Variants in HSPA14 observed in about 807,000 individuals in gnomAD.
HSPA14 encodes heat shock 70 kDa protein 14.
A neutral mutation model predicts 65.5 loss-of-function variants in HSPA14; 37 were observed. The ratio of observed to expected loss-of-function variants is 0.56; its 90% CI spans 0.43 to 0.74. The LOEUF (loss-of-function observed/expected upper bound fraction) is 0.74. Ranked by LOEUF, HSPA14 falls within the 30% of genes least tolerant of loss-of-function variation. The pLI, the probability that HSPA14 is intolerant of heterozygous loss-of-function variation, is 0.00. For missense variants in HSPA14, 564 were observed against 607.6 expected (o/e 0.93, Z 0.75); for synonymous variants, 203 against 214.2 (o/e 0.95, Z 0.46).
At chr10:14,849,523 CA>C in intron 5 of HSPA14, 197 bp from the exon 6 acceptor site, 1 of 668,354 alleles carries the variant, frequency 1.5e-6, no homozygotes, top group Non-Finnish European at 2.8e-6. Context: ...ATTCTGTGTC[CA>C]AATATATCAC....
intron 1 of HSPA14, 59 bp downstream of exon 1, chr10:14,838,518 G>A: frequency 6.7e-7 from 1 of 1,498,346 alleles, no homozygotes; most frequent in Non-Finnish European, 9.0e-7. Context: ...TTCTGGCGCT[G>A]GGTCATCCAC....
At chr10:14,860,221 T>A (rs1832739909) in intron 10 of HSPA14, among the ~76,000 whole-genome samples, 5 of 152,322 alleles carry the variant, frequency 3.3e-5, no homozygotes, top group Admixed American at 3.3e-4. Flanking sequence ...AATGGAGTCT[T>A]CTGAATTTCC....
chr10:14,844,487 C>CAT (rs1564320228), intron 3 of HSPA14: 1 of 986,526 alleles, frequency 1.0e-6, no homozygotes, highest in African/African-American at 1.8e-5. Context: ...GCTCATTAGA[C>CAT]GACTATAAGC....
intron 13 of HSPA14, among the ~76,000 whole-genome samples, chr10:14,871,016 T>C (rs1393782652): frequency 1.3e-5 from 2 of 152,212 alleles, no homozygotes; most frequent in Non-Finnish European, 2.9e-5. Flanking sequence ...AGTTTCTTTA[T>C]TGCTGCAGAA....
At chr10:14,866,585 G>A (rs559653867) in intron 10 of HSPA14, among the ~76,000 whole-genome samples, 4 of 152,140 alleles carry the variant, frequency 2.6e-5, no homozygotes, top group African/African-American at 7.2e-5. Flanking sequence ...TTAAAATGCA[G>A]TTTTATAAAT....
intron 9 of HSPA14, among the ~76,000 whole-genome samples, chr10:14,854,559 C>G (rs947323967): frequency 2.0e-5 from 3 of 152,094 alleles, no homozygotes; most frequent in Non-Finnish European, 2.9e-5. Flanking sequence ...TGATAAAGTA[C>G]AAAGGGAGGA....
intron 10 of HSPA14, among the ~76,000 whole-genome samples, chr10:14,858,557 T>A (rs1411185162): frequency 6.6e-6 from 1 of 152,172 alleles, no homozygotes; most frequent in African/African-American, 2.4e-5. Flanking sequence ...CCACTTCCTG[T>A]TCTAGGACCC....
At chr10:14,866,271 C>T (rs181369960) in intron 10 of HSPA14, among the ~76,000 whole-genome samples, 16 of 152,286 alleles carry the variant, frequency 1.1e-4, no homozygotes, top group Non-Finnish European at 5.9e-5. Flanking sequence ...TGATGTTCCT[C>T]ATGCTCGTAC....
At chr10:14,870,927 T>A (rs1832848677) in intron 13 of HSPA14, among the ~76,000 whole-genome samples, 1 of 152,206 alleles carries the variant, frequency 6.6e-6, no homozygotes, top group African/African-American at 2.4e-5. Flanking sequence ...TCTGTGCTCA[T>A]TTGAGATGTA....
intron 10 of HSPA14, among the ~76,000 whole-genome samples, chr10:14,862,023 G>T (rs1030200042): frequency 1.5e-5 from 2 of 135,046 alleles, no homozygotes; most frequent in African/African-American, 6.1e-5. Flanking sequence ...AAAAAAAAAA[G>T]AAATAGATTT....
chr10:14,863,995 C>G (rs1832779952), intron 10 of HSPA14, among the ~76,000 whole-genome samples: 1 of 151,770 alleles, frequency 6.6e-6, no homozygotes, highest in African/African-American at 2.4e-5. Flanking sequence ...TGGTGGCCAC[C>G]TACAAGCCAC....
chr10:14,865,566 T>C (rs2131648246), intron 10 of HSPA14, among the ~76,000 whole-genome samples: 2 of 152,362 alleles, frequency 1.3e-5, no homozygotes, highest in Middle Eastern at 3.4e-3. Flanking sequence ...CCCAGCACCA[T>C]TTGTTAAATA....
At chr10:14,843,410 G>A (rs1564319660) in intron 3 of HSPA14, 1 of 1,550,918 alleles carries the variant, frequency 6.4e-7, no homozygotes, top group Non-Finnish European at 8.7e-7. Context: ...AGCTCCCACA[G>A]CCTTTTCAGA....
At chr10:14,865,281 A>G (rs1832795507) in intron 10 of HSPA14, among the ~76,000 whole-genome samples, 1 of 151,530 alleles carries the variant, frequency 6.6e-6, no homozygotes, top group South Asian at 2.1e-4. Context: ...TTGCCTGTTC[A>G]CTCTGATGGT....
At chr10:14,844,748 A>G (rs960309410) in intron 3 of HSPA14, 2 of 972,302 alleles carry the variant, frequency 2.1e-6, no homozygotes, top group Admixed American at 6.2e-5. Flanking sequence ...TTTGCATTTC[A>G]TATTATTTGG....
At chr10:14,850,045 G>A (rs960422597) in intron 6 of HSPA14, among the ~76,000 whole-genome samples, 24 of 152,092 alleles carry the variant, frequency 1.6e-4, no homozygotes, top group Non-Finnish European at 2.9e-4. Flanking sequence ...GGGGGGCGGC[G>A]GGTGGACCAC....
In HSPA14 at chr10:14,865,440, G is replaced by T. The variant is rs1287365215; in HGVS notation, c.994-1643G>T. On this transcript the variant is annotated intron_variant, in intron 10 of 13. Coordinates refer to ENST00000378372, the MANE Select transcript of HSPA14 (RefSeq NM_016299.4). ...GGTATTGCCTAGGTTTTCTTCTAGGGTTTTTATGGTTTTAGGTCTAACATT... is the reference window on the plus strand; with the variant it reads ...GGTATTGCCTAGGTTTTCTTCTAGGTTTTTTATGGTTTTAGGTCTAACATT... Among the ~76,000 whole-genome samples the T allele has an allele frequency of 4.1e-4, 63 of 152,004 alleles. 1 individual carries two copies. The highest frequency in any genetic ancestry group is 7.9e-4 in the Non-Finnish European group (54 of 67,976).
chr10:14,848,057 C>T (rs999473545), intron 3 of HSPA14, among the ~76,000 whole-genome samples: 3 of 152,186 alleles, frequency 2.0e-5, no homozygotes, highest in East Asian at 1.9e-4. Context: ...AGATAATGTA[C>T]GTGAAAACAT....
chr10:14,855,797 G>T, intron 9 of HSPA14, 44 bp from the exon 10 acceptor site: 1 of 990,958 alleles, frequency 1.0e-6, no homozygotes, highest in South Asian at 1.4e-5. Context: ...TCTTTCTCTT[G>T]TCCCTGTGTC....
Sources: gnomAD v4.1 joint callset for allele counts (sites outside exome capture counted in the v4.1 genomes callset) on GRCh38, gnomAD v4.1.1 for gene constraint, MANE v1.5 for transcripts, NCBI Gene and HGNC (gene_info 2026-07-23, HGNC 2026-07-21) for gene names.